Variants in GALK2 observed in about 807,000 individuals in gnomAD.
The protein encoded by GALK2 is galactokinase 2.
In GALK2, 36 loss-of-function variants were observed where a neutral mutation model predicts 52.4. The ratio of observed to expected loss-of-function variants is 0.69; its 90% CI spans 0.53 to 0.91. The LOEUF is 0.91. GALK2 is among the 40% of genes least tolerant of loss of function. The probability of loss-of-function intolerance (pLI) is 0.00; values close to 1 mark genes in which losing one functional copy is unlikely to be tolerated. For missense variants in GALK2, 579 were observed against 559.1 expected (o/e 1.04, Z -0.36); for synonymous variants, 176 against 199.1 (o/e 0.88, Z 0.98).
At chr15:49,292,899 C>G (rs1470995552) in intron 8 of GALK2, among the ~76,000 whole-genome samples, 1 of 152,110 alleles carries the variant, frequency 6.6e-6, no homozygotes, top group Non-Finnish European at 1.5e-5. Flanking sequence ...ACTCGGAACA[C>G]TATAAAGTGT....
rs185685716 is a variant in GALK2 at position 49,175,219 on chromosome 15, G to A, written c.53+4844G>A. On this transcript the variant is annotated intron_variant, in intron 1 of 9. Transcript: ENST00000560031. Reference sequence around the variant, plus strand: ...GCTATAGGACACAAAGACAGTTAGTGCACAGCCTTTATAGGCTGGCTGAAA... The same window carrying A: ...GCTATAGGACACAAAGACAGTTAGTACACAGCCTTTATAGGCTGGCTGAAA... Among the ~76,000 whole-genome samples the A allele has an allele frequency of 2.0e-4, 30 of 152,318 alleles. No homozygotes were observed. In the East Asian group the frequency reaches 5.8e-3, roughly 29 times the overall value.
intron 3 of GALK2, among the ~76,000 whole-genome samples, chr15:49,349,398 C>T (rs2041946043): frequency 6.6e-6 from 1 of 152,132 alleles, no homozygotes; most frequent in Admixed American, 6.5e-5. Context: ...AAGTTTAGAA[C>T]AGCTTCAAGT....
intron 5 of GALK2, among the ~76,000 whole-genome samples, chr15:49,263,592 G>C (rs996108412): frequency 8.5e-6 from 1 of 118,020 alleles, no homozygotes; most frequent in African/African-American, 3.6e-5. Context: ...ATTGTTATAT[G>C]TGAATTTGAT....
At chr15:49,335,870 C>T (rs367839753), downstream of GALK2, among the ~76,000 whole-genome samples, 94 of 152,202 alleles carry the variant, frequency 6.2e-4, no homozygotes, top group South Asian at 0.012. Flanking sequence ...TATTCATTTT[C>T]GAGACAGGGT....
At position 49,331,845 on chromosome 15, in the gene GALK2, G is replaced by A. The variant is rs2038818876; in HGVS notation, c.*3686G>A. 1 of 1,604,024 alleles carries A rather than the reference G, an allele frequency of 6.2e-7. No homozygotes were observed. The highest frequency in any genetic ancestry group is 8.5e-7 in the Non-Finnish European group (1 of 1,171,008). Reference sequence around the variant, plus strand: ...TGAGGTTTCTTGGTAGCCTTTGCTTGGAGTCTAATCATGGAATAAAGAAAA... The same window carrying A: ...TGAGGTTTCTTGGTAGCCTTTGCTTAGAGTCTAATCATGGAATAAAGAAAA... On this transcript the variant is annotated 3_prime_UTR_variant, in exon 10 of 10. Coordinates refer to ENST00000560031, the MANE Select transcript of GALK2 (RefSeq NM_002044.4).
At chr15:49,260,349 CT>C (rs1429367475) in intron 5 of GALK2, among the ~76,000 whole-genome samples, 2 of 152,100 alleles carry the variant, frequency 1.3e-5, no homozygotes, top group East Asian at 3.9e-4. Flanking sequence ...TGTTTTTTGG[CT>C]GCATAAATGT....
chr15:49,160,151 G>T (rs2084600656), intron 1 of GALK2, among the ~76,000 whole-genome samples: 1 of 151,984 alleles, frequency 6.6e-6, no homozygotes, highest in Admixed American at 6.6e-5. Flanking sequence ...GCACATGCCT[G>T]TAATCTCAGA....
chr15:49,346,681 AGT>A (rs1242008834), intron 3 of GALK2, among the ~76,000 whole-genome samples: 16 of 152,232 alleles, frequency 1.1e-4, no homozygotes, highest in African/African-American at 3.9e-4. Context: ...TTATCCTCAG[AGT>A]TGTTTCTGAG....
At chr15:49,258,823 TGTGTGTGAGAGAGAGA>T (rs1418716402) in intron 5 of GALK2, among the ~76,000 whole-genome samples, 1 of 140,014 alleles carries the variant, frequency 7.1e-6, no homozygotes, top group Non-Finnish European at 1.5e-5. Context: ...TGTGTGTGTG[TGTGTGTGAGAGAGAGA>T]GAGAGAGAGA....
rs35720727 is a variant in GALK2 at position 49,217,198 on chromosome 15, A to G, written c.151A>G (p.Ile51Val). The G allele has an allele frequency of 4.6e-4, 745 of 1,609,710 alleles. 6 individuals are homozygous for G. In the African/African-American group the frequency reaches 8.6e-3, roughly 19 times the overall value. The change falls in exon 3 of 10, where the codon ATA (isoleucine) becomes GTA (valine). Residue 51 changes from isoleucine (I) to valine (V), a missense_variant. Ile to Val is a conservative substitution (Grantham distance 29). Transcript: ENST00000560031. ...PGRVNIIGEH[I>V]DYCGYSVLPM... is the part of the protein sequence containing the mutation. ...CTTTCTCTTTTTTCTAGGAGAGCAT[A>G]TAGATTATTGTGGATATTCTGTTCT... is the stretch of plus-strand genomic sequence containing the variant.
At chr15:49,200,125 A>G (rs550358479) in intron 1 of GALK2, among the ~76,000 whole-genome samples, 4 of 152,210 alleles carry the variant, frequency 2.6e-5, no homozygotes, top group Non-Finnish European at 5.9e-5. Flanking sequence ...AATGAGGGCT[A>G]TTCACAGAAT....
chr15:49,178,224 T>TAA (rs1566907205), intron 1 of GALK2, among the ~76,000 whole-genome samples: 2 of 115,518 alleles, frequency 1.7e-5, no homozygotes, highest in African/African-American at 3.2e-5. Context: ...TATATATATA[T>TAA]ATAGAAATAA....
At chr15:49,164,957 T>C (rs1411147929) in intron 1 of GALK2, among the ~76,000 whole-genome samples, 4 of 152,164 alleles carry the variant, frequency 2.6e-5, no homozygotes, top group African/African-American at 9.7e-5. Flanking sequence ...GATGATGGAA[T>C]GTATACTAGA....
At chr15:49,356,023 T>C (rs1266016495) in intron 3 of GALK2, among the ~76,000 whole-genome samples, 5 of 151,844 alleles carry the variant, frequency 3.3e-5, no homozygotes, top group Admixed American at 6.6e-5. Flanking sequence ...TAAAATACTT[T>C]ACAGACAAGC....
rs906470463 is a variant in GALK2 at position 49,239,087 on chromosome 15, G to C, written c.358-134G>C. 9 of 673,456 alleles carry C rather than the reference G, an allele frequency of 1.3e-5. No individual in the cohort carries two copies. In the Admixed American group the frequency reaches 2.5e-4, roughly 19 times the overall value. 41.7% of individuals were successfully genotyped at this position (673,456 alleles called of 1,614,324 possible). ...TGTCACATATAGTCTCAACTAAATT[G>C]AATTGCATAAGTAGTTTCTATAACT... On this transcript the variant is annotated intron_variant, in intron 4 of 9. Transcript: ENST00000560031.
intron 3 of GALK2, among the ~76,000 whole-genome samples, chr15:49,218,221 C>T (rs1405022260): frequency 1.3e-5 from 2 of 152,108 alleles, no homozygotes; most frequent in African/African-American, 2.4e-5. Flanking sequence ...TTATATGGAA[C>T]TTACTGTAGA....
intron 8 of GALK2, among the ~76,000 whole-genome samples, chr15:49,311,379 T>C (rs900060367): frequency 6.6e-6 from 1 of 152,250 alleles, no homozygotes; most frequent in Admixed American, 6.5e-5. Flanking sequence ...AAAGTCCTCA[T>C]TATCTGGCTG....
intron 3 of GALK2, among the ~76,000 whole-genome samples, chr15:49,350,494 A>G (rs2042084825): frequency 6.6e-6 from 1 of 152,184 alleles, no homozygotes; most frequent in Admixed American, 6.5e-5. Context: ...AAACACTGTT[A>G]AGTTTTTACT....
chr15:49,283,633 T>C lies in GALK2; in HGVS notation c.671T>C (p.Val224Ala), dbSNP rs771207083. The change falls in exon 7 of 10, where the codon GTG becomes GCG. Residue 224 changes from valine to alanine, a missense_variant. By Grantham distance (64) the Val-to-Ala change is moderately conservative. Transcript: ENST00000560031. ...DVKLPSGAVF[V>A]IANSCVEMNK... is the part of the protein sequence containing the mutation. The stretch of plus-strand genomic sequence containing the variant: ...AAACTCCCAAGTGGAGCAGTGTTTG[T>C]GATTGCCAACAGTTGTGTGGAGATG... 1 of 1,614,048 alleles carries C rather than the reference T, an allele frequency of 6.2e-7. No individual in the cohort carries two copies. Among genetic ancestry groups the C allele is most frequent in the Non-Finnish European group, 8.5e-7 (1 of 1,179,912 alleles).
Sources: allele counts gnomAD v4.1 joint callset (sites outside exome capture counted in the v4.1 genomes callset), GRCh38; gene constraint gnomAD v4.1.1; transcripts MANE v1.5; gene names NCBI Gene and HGNC (gene_info 2026-07-23, HGNC 2026-07-21).